Variants in PRDX3 observed in about 807,000 individuals in gnomAD.
The protein encoded by PRDX3 is peroxiredoxin 3.
Under a neutral mutation model 30.4 loss-of-function variants are expected in PRDX3, and 20 were observed. That is an observed-to-expected ratio of 0.66 (90% CI 0.46 to 0.96). The LOEUF (loss-of-function observed/expected upper bound fraction) is 0.96. Among genes scored for constraint, PRDX3 ranks in the 40% least tolerant of loss-of-function variants. The pLI is 0.00. For missense variants in PRDX3, 322 were observed against 318.3 expected, an observed-to-expected ratio of 1.01 and a Z score of -0.09; for synonymous variants, 124 against 117.8, an observed-to-expected ratio of 1.05 and a Z score of -0.34.
At chr10:119,171,332 G>A (rs536148748) in intron 5 of PRDX3, among the ~76,000 whole-genome samples, 9 of 151,708 alleles carry the variant, frequency 5.9e-5, no homozygotes, top group South Asian at 2.1e-4. Flanking sequence ...GAGCCACCGC[G>A]CCCGGCCAGG....
chr10:119,169,038 C>A, intron 6 of PRDX3, 139 bp downstream of exon 6: 182 of 702,388 alleles, frequency 2.6e-4, no homozygotes, highest in Non-Finnish European at 2.8e-4. Flanking sequence ...ACCCCCTCTA[C>A]CCCACAGCAG....
At chr10:119,176,966 C>T (rs1181942749) in intron 2 of PRDX3, 55 bp downstream of exon 2, 30 of 1,608,196 alleles carry the variant, frequency 1.9e-5, no homozygotes, top group Admixed American at 5.0e-5. Context: ...TGTCCAGAGA[C>T]GATGGTTCAT....
Position 119,177,062 on chromosome 10 carries a change from A to G in PRDX3, c.128T>C (p.Leu43Ser), listed in dbSNP as rs772428160. The change falls in exon 2 of 7, where the codon TTA becomes TCA. Residue 43 changes from leucine (L) to serine (S), a missense_variant. Leu to Ser is a moderately radical substitution (Grantham distance 145, BLOSUM62 -2). Coordinates refer to ENST00000298510, the MANE Select transcript of PRDX3 (RefSeq NM_006793.5). ...AACGRTSLTNLLCSGSSQAKL... is the reference protein window; with the variant it reads ...AACGRTSLTNSLCSGSSQAKL... ...TGCTTGACTGGAACCAGAACACAAT[A>G]AATTTGTCAAGCTCGTTCTTCCACA... 6.2e-7 allele frequency: 1 copy of G among 1,614,090 alleles called. No individual in the cohort carries two copies. Among genetic ancestry groups the G allele is most frequent in the Admixed American group, 1.7e-5 (1 of 60,018 alleles).
chr10:119,177,122 C>G lies in PRDX3; in HGVS notation c.68G>C (p.Gly23Ala), dbSNP rs1458298639. 2 of 1,613,520 alleles carry G rather than the reference C, an allele frequency of 1.2e-6. No individual in the cohort carries two copies. Among genetic ancestry groups the G allele is most frequent in the South Asian group, 2.2e-5 (2 of 91,054 alleles). The change falls in exon 2 of 7, where the codon GGC becomes GCC. Residue 23 changes from glycine (G) to alanine (A), a missense_variant. Transcript: ENST00000298510. The part of the protein sequence containing the change: ...VARHVSAIPW[G>A]ISATAALRPA... ...CCTGAGGGCTGCAGTGGCAGAAATG[C>G]CCCAAGGAATGGCACTCACATGTCG...
At chr10:119,177,649 CA>C (rs34339894) in intron 1 of PRDX3, among the ~76,000 whole-genome samples, 40,775 of 94,874 alleles carry the variant, frequency 0.43, 6,557 homozygotes, top group East Asian at 0.58. Flanking sequence ...AACTCCGTCT[CA>C]AAAAAAAAAA....
chr10:119,172,523 C>T, intron 4 of PRDX3, 38 bp from the exon 5 acceptor site: 3 of 1,521,004 alleles, frequency 2.0e-6, no homozygotes, highest in Non-Finnish European at 2.7e-6. Flanking sequence ...GAATGTGTGG[C>T]CTCACAACAT....
At position 119,168,490 on chromosome 10, in the gene PRDX3, ACCTTCTGAAAGTACT is replaced by A. The variant is rs753278721; in HGVS notation, c.746_760del (p.Glu249_Lys253del). On this transcript the variant is annotated inframe_deletion, in exon 7 of 7. Transcript: ENST00000298510. ...ATACACATGGGTGATCTACTGATTT[ACCTTCTGAAAGTACT>A]CTTTGGAAGCAGCTGGACTTGGCTT... 7 of 1,613,874 alleles carry A rather than the reference ACCTTCTGAAAGTACT, an allele frequency of 4.3e-6. No homozygotes were observed. The highest frequency in any genetic ancestry group is 5.9e-6 in the Non-Finnish European group (7 of 1,179,992).
intron 5 of PRDX3, among the ~76,000 whole-genome samples, chr10:119,171,292 G>A (rs1389619369): frequency 6.6e-6 from 1 of 151,676 alleles, no homozygotes; most frequent in African/African-American, 2.4e-5. Flanking sequence ...CACCTGCCTC[G>A]GCCTCCCAAA....
chr10:119,173,844 C>T lies in PRDX3; in HGVS notation c.340G>A (p.Ala114Thr), dbSNP rs1244836704. ...AATTCGTTAGCTTTGTCACTAAAAG[C>T]AACAATTTCTGTAGGACACACAAAG... ...FTFVCPTEIV[A>T]FSDKANEFHD... The change falls in exon 4 of 7, where the codon GCT (alanine) becomes ACT (threonine). Residue 114 changes from alanine (A) to threonine (T), a missense_variant. Physicochemically the swap from Ala to Thr is moderately conservative, Grantham distance 58 (BLOSUM62 0). Transcript: ENST00000298510. 1 of 1,610,246 alleles carries T rather than the reference C, an allele frequency of 6.2e-7. No homozygotes were observed. Among genetic ancestry groups the T allele is most frequent in the South Asian group, 1.1e-5 (1 of 90,750 alleles).
At chr10:119,171,677 C>A (rs1200520919) in intron 5 of PRDX3, among the ~76,000 whole-genome samples, 1 of 152,218 alleles carries the variant, frequency 6.6e-6, no homozygotes, top group African/African-American at 2.4e-5. Context: ...AGCTGTGTCA[C>A]TATTTAATCC....
chr10:119,171,469 A>G (rs866749153), intron 5 of PRDX3, among the ~76,000 whole-genome samples: 1 of 152,210 alleles, frequency 6.6e-6, no homozygotes, highest in African/African-American at 2.4e-5. Flanking sequence ...TATTCTCAGC[A>G]GACTTCAAGA....
rs11554921 is a variant in PRDX3, at chr10:119,174,534, G to A, written c.228C>T (p.Ala76=). 27 of 1,611,900 alleles carry A rather than the reference G, an allele frequency of 1.7e-5. No homozygotes were observed. The highest frequency in any genetic ancestry group is 5.5e-5 in the South Asian group (5 of 90,666). Residue 76 remains alanine, a synonymous_variant, in exon 3 of 7, where the codon GCC becomes GCT. Coordinates refer to ENST00000298510, the MANE Select transcript of PRDX3 (RefSeq NM_006793.5). ...GGTCTTTGAACTCTCCATTGACAACGGCTGTACCCTTAAAATAGGGTGCAT... is the reference window on the plus strand; with the variant it reads ...GGTCTTTGAACTCTCCATTGACAACAGCTGTACCCTTAAAATAGGGTGCAT... ...TQHAPYFKGT[A]VVNGEFKDLS...
chr10:119,175,755 G>C (rs568095152), intron 2 of PRDX3, among the ~76,000 whole-genome samples: 2 of 148,848 alleles, frequency 1.3e-5, no homozygotes, highest in African/African-American at 5.0e-5. Context: ...GGAGGAAGGG[G>C]GAGACATGTT....
intron 2 of PRDX3, among the ~76,000 whole-genome samples, chr10:119,175,240 AG>A (rs1370338145): frequency 3.3e-5 from 5 of 152,246 alleles, no homozygotes; most frequent in African/African-American, 1.2e-4. Context: ...AACAGCAGGA[AG>A]GAAGACAGGA....
intron 5 of PRDX3, chr10:119,169,871 C>G (rs1337106515): frequency 6.5e-6 from 1 of 152,804 alleles, no homozygotes; most frequent in Non-Finnish European, 1.5e-5. Context: ...ATGCCCATCA[C>G]TTTTAATCAT....
chr10:119,169,620 G>A (rs531204250), intron 5 of PRDX3: 153 of 269,750 alleles, frequency 5.7e-4, no homozygotes, highest in Non-Finnish European at 9.5e-4. Context: ...ACACAGTATC[G>A]GAAAGTCACT....
At chr10:119,174,331 A>T in intron 3 of PRDX3, 120 bp downstream of exon 3, 1 of 1,248,530 alleles carries the variant, frequency 8.0e-7, no homozygotes, top group Non-Finnish European at 1.1e-6. Context: ...CATCAGTGAT[A>T]AAGGGTCAGA....
chr10:119,173,643 G>T, intron 4 of PRDX3, 94 bp downstream of exon 4: 1 of 1,400,398 alleles, frequency 7.1e-7, no homozygotes, highest in Non-Finnish European at 9.7e-7. Context: ...CAACCCTTGC[G>T]TAATTTGATC....
intron 5 of PRDX3, among the ~76,000 whole-genome samples, chr10:119,171,698 C>A (rs1330483488): frequency 1.3e-5 from 2 of 152,194 alleles, no homozygotes; most frequent in Non-Finnish European, 2.9e-5. Flanking sequence ...TCACACCCAC[C>A]TGTGACGTAC....
Sources: allele counts gnomAD v4.1 joint callset (sites outside exome capture counted in the v4.1 genomes callset), GRCh38; gene constraint gnomAD v4.1.1; transcripts MANE v1.5; gene names NCBI Gene and HGNC (gene_info 2026-07-23, HGNC 2026-07-21).